The following DMXL1 variants were observed in gnomAD, a reference collection of about 807,000 sequenced individuals.
DMXL1 encodes Dmx like 1.
In DMXL1, 99 loss-of-function variants were observed where a neutral mutation model predicts 319.2. The ratio of observed to expected loss-of-function variants is 0.31; its 90% CI spans 0.26 to 0.37. The LOEUF (loss-of-function observed/expected upper bound fraction) is 0.37. Ranked by LOEUF, DMXL1 falls within the 10% of genes least tolerant of loss-of-function variation. The pLI is 1.00. For missense variants in DMXL1, 3,745 were observed against 3,595.6 expected (o/e 1.04, Z -1.06); for synonymous variants, 1,385 against 1,235.2 (o/e 1.12, Z -2.54).
At position 119,133,112 on chromosome 5, in the gene DMXL1, A is replaced by T; in HGVS notation, c.1316-20A>T. The T allele has an allele frequency of 6.2e-7, 1 of 1,612,442 alleles. No homozygotes were observed. Among genetic ancestry groups the T allele is most frequent in the Non-Finnish European group, 8.5e-7 (1 of 1,179,018 alleles). On this transcript the variant is annotated intron_variant, in intron 10 of 43. Coordinates refer to ENST00000539542, the MANE Select transcript of DMXL1 (RefSeq NM_001290321.3). ...TAACCTGTTTGTATTTACTTGGTTC[A>T]TGAACTCTTTTGCTTATAGAAACTG... is the stretch of plus-strand genomic sequence containing the variant.
At chr5:119,166,464 A>G (rs563694575) in intron 21 of DMXL1, 152 bp from the exon 22 acceptor site, 13 of 631,924 alleles carry the variant, frequency 2.1e-5, no homozygotes, top group Admixed American at 3.7e-5. Flanking sequence ...ACCTAATATA[A>G]TTTTTACTGG....
At chr5:119,132,423 G>A (rs918093992) in intron 10 of DMXL1, among the ~76,000 whole-genome samples, 4 of 152,214 alleles carry the variant, frequency 2.6e-5, no homozygotes, top group African/African-American at 9.6e-5. Context: ...GCTCACGCCT[G>A]TAATGCCAGT....
chr5:119,218,153 G>A (rs1784014542), intron 35 of DMXL1, among the ~76,000 whole-genome samples: 3 of 152,040 alleles, frequency 2.0e-5, no homozygotes, highest in Admixed American at 1.3e-4. Flanking sequence ...AAGGCAGTAG[G>A]ATCACTAGAG....
At position 119,129,276 on chromosome 5, in the gene DMXL1, T is replaced by G. The variant is rs535994873; in HGVS notation, c.1168T>G (p.Phe390Val). ...TGAAAATGAAGAGAAGACCGGACCT[T>G]TTGTTGTACACTGGCTAAACAATAA... ...LNENEEKTGP[F>V]VVHWLNNKEL... Residue 390 changes from phenylalanine to valine, a missense_variant, in exon 10 of 44, where the codon TTT becomes GTT. By Grantham distance (50) the Phe-to-Val change is conservative. This residue lies in a region of DMXL1 where 2,096 missense variants were observed against 1,985.4 expected (regional missense o/e 1.06). Transcript: ENST00000539542. The G allele has an allele frequency of 2.5e-6, 4 of 1,613,764 alleles. No individual in the cohort carries two copies. In the South Asian group the frequency reaches 4.4e-5, roughly 18 times the overall value.
intron 19 of DMXL1, chr5:119,154,680 A>G (rs1770612711): frequency 6.5e-6 from 1 of 154,300 alleles, no homozygotes. Flanking sequence ...TACGTCATTC[A>G]GCACTTGCTT....
In DMXL1 at chr5:119,193,829, C is replaced by T; in HGVS notation, c.7316C>T (p.Pro2439Leu). 1 of 1,610,270 alleles carries T rather than the reference C, an allele frequency of 6.2e-7. No homozygotes were observed. ...LSIWDYFIAK[P>L]FLPSSQSRAE... is the part of the protein sequence containing the mutation. ...AATTTCATGATTTCTTTATTTTAGC[C>T]TTTTCTACCCTCTTCTCAAAGTAGA... Residue 2439 changes from proline (P) to leucine (L), a missense_variant and splice_region_variant, in exon 30 of 44, where the codon CCT becomes CTT. Transcript: ENST00000539542.
At chr5:119,208,275 G>A (rs550185647) in intron 34 of DMXL1, among the ~76,000 whole-genome samples, 4 of 149,300 alleles carry the variant, frequency 2.7e-5, no homozygotes, top group South Asian at 4.2e-4. Context: ...GTGCAGTGGC[G>A]CGATCTCAGC....
intron 19 of DMXL1, among the ~76,000 whole-genome samples, chr5:119,161,980 A>G (rs533322786): frequency 1.4e-4 from 21 of 152,308 alleles, no homozygotes; most frequent in African/African-American, 4.1e-4. Flanking sequence ...ACACCAGATG[A>G]TCTAGCTGTG....
At chr5:119,104,464 A>G (rs562969717) in intron 3 of DMXL1, among the ~76,000 whole-genome samples, 4 of 152,324 alleles carry the variant, frequency 2.6e-5, no homozygotes, top group Non-Finnish European at 5.9e-5. Context: ...ATCTCAGGCT[A>G]TTATTTGTTG....
intron 40 of DMXL1, among the ~76,000 whole-genome samples, chr5:119,237,994 G>A (rs1788069613): frequency 6.6e-6 from 1 of 152,052 alleles, no homozygotes; most frequent in Admixed American, 6.6e-5. Context: ...CTGGTAATTT[G>A]CCCAAGGTTA....
chr5:119,166,570 G>T (rs1375981128), intron 21 of DMXL1, 46 bp from the exon 22 acceptor site: 3 of 1,545,490 alleles, frequency 1.9e-6, no homozygotes, highest in South Asian at 2.4e-5. Context: ...CTGATGTAAA[G>T]AAAATTGTAT....
intron 4 of DMXL1, among the ~76,000 whole-genome samples, chr5:119,106,613 A>G (rs1247116949): frequency 6.6e-6 from 1 of 152,190 alleles, no homozygotes; most frequent in Non-Finnish European, 1.5e-5. Flanking sequence ...TAAAAACTAT[A>G]GGTTTTCAAA....
chr5:119,133,558 G>A lies in DMXL1; in HGVS notation c.1634G>A (p.Ser545Asn). 7 of 1,614,032 alleles carry A rather than the reference G, an allele frequency of 4.3e-6. No individual in the cohort carries two copies. The highest frequency in any genetic ancestry group is 5.9e-6 in the Non-Finnish European group (7 of 1,180,006). Residue 545 changes from serine (S) to asparagine (N), a missense_variant, in exon 12 of 44, where the codon AGC (serine) becomes AAC (asparagine). Transcript: ENST00000539542. ...PTGDANSLCKSIMMYACTKNV... is the reference protein window; with the variant it reads ...PTGDANSLCKNIMMYACTKNV... ...GGTGATGCAAACTCTCTCTGTAAAA[G>A]CATAATGATGTATGCCTGTACCAAG... is the stretch of plus-strand genomic sequence containing the variant.
intron 4 of DMXL1, among the ~76,000 whole-genome samples, chr5:119,109,797 A>G (rs1011783554): frequency 6.6e-6 from 1 of 152,116 alleles, no homozygotes; most frequent in African/African-American, 2.4e-5. Context: ...ATGCATTTCT[A>G]TCATGTATGT....
intron 37 of DMXL1, among the ~76,000 whole-genome samples, chr5:119,221,542 A>C (rs958228776): frequency 2.6e-5 from 4 of 152,168 alleles, no homozygotes; most frequent in Non-Finnish European, 5.9e-5. Flanking sequence ...TTTACAAATA[A>C]AGTTTTATAG....
intron 2 of DMXL1, among the ~76,000 whole-genome samples, 196 bp from the exon 3 acceptor site, chr5:119,101,739 G>A (rs1249465629): frequency 6.6e-6 from 1 of 152,156 alleles, no homozygotes; most frequent in East Asian, 1.9e-4. Context: ...AGATTAAGTT[G>A]CTAGTTAACG....
intron 1 of DMXL1, among the ~76,000 whole-genome samples, chr5:119,083,776 G>A (rs1752731899): frequency 6.6e-6 from 1 of 152,244 alleles, no homozygotes; most frequent in South Asian, 2.1e-4. Flanking sequence ...GGCCTCAGGT[G>A]ATCCGCCTGC....
At chr5:119,119,976 G>A (rs759040597) in intron 8 of DMXL1, among the ~76,000 whole-genome samples, 1 of 151,894 alleles carries the variant, frequency 6.6e-6, no homozygotes, top group Non-Finnish European at 1.5e-5. Context: ...TGCTTCCCGG[G>A]TTCAAGCAGT....
chr5:119,222,268 C>G (rs1784778581), intron 37 of DMXL1, among the ~76,000 whole-genome samples: 1 of 152,140 alleles, frequency 6.6e-6, no homozygotes, highest in South Asian at 2.1e-4. Flanking sequence ...ACTTATGTCA[C>G]TTTGTTAAAT....
Sources: gnomAD v4.1 joint callset for allele counts (sites outside exome capture counted in the v4.1 genomes callset) on GRCh38, gnomAD v4.1.1 for gene constraint, gnomAD v4.1.1 regional missense constraint, MANE v1.5 for transcripts, NCBI Gene and HGNC (gene_info 2026-07-23, HGNC 2026-07-21) for gene names.